Variants in PRORP observed in about 807,000 individuals in gnomAD.
The protein encoded by PRORP is mitochondrial ribonuclease P catalytic subunit.
In PRORP, 51 loss-of-function variants were observed where a neutral mutation model predicts 59.4. The observed-to-expected ratio is 0.86, with a 90% CI of 0.69 to 1.08. PRORP has a LOEUF of 1.08. Ranked by LOEUF, PRORP falls within the 50% of genes least tolerant of loss-of-function variation. The probability of loss-of-function intolerance (pLI) is 0.00; values close to 1 mark genes in which losing one functional copy is unlikely to be tolerated. For synonymous variants in PRORP, 231 were observed against 245.6 expected (o/e 0.94, Z 0.55); for missense variants, 646 against 690.3 (o/e 0.94, Z 0.72).
Position 35,273,672 on chromosome 14 carries a change from A to T in PRORP, c.*106A>T. 2 of 985,828 alleles carry T rather than the reference A, an allele frequency of 2.0e-6. No individual in the cohort carries two copies. Among genetic ancestry groups the T allele is most frequent in the Non-Finnish European group, 1.4e-6 (1 of 695,070 alleles). The allele number at this position is 985,828 out of a possible 1,614,324, so 61.1% of individuals were successfully genotyped here. The stretch of plus-strand genomic sequence containing the variant: ...GGGCATTGCCTCTGTCCTGAAGATA[A>T]AAGGATTCTATTAACAGCATTGACA... On this transcript the variant is annotated 3_prime_UTR_variant, in exon 8 of 8. Transcript: ENST00000534898.
chr14:35,180,495 C>G (rs1307256297), intron 4 of PRORP, among the ~76,000 whole-genome samples, 175 bp from the exon 5 acceptor site: 1 of 148,206 alleles, frequency 6.7e-6, no homozygotes, highest in Non-Finnish European at 1.5e-5. Flanking sequence ...ATCCATTAGA[C>G]TGGCTTTTTC....
At chr14:35,141,329 TA>T (rs1368288242) in intron 4 of PRORP, among the ~76,000 whole-genome samples, 2 of 144,764 alleles carry the variant, frequency 1.4e-5, no homozygotes, top group Non-Finnish European at 1.5e-5. Flanking sequence ...GGCATGATCA[TA>T]ACTCACTGCA....
chr14:35,165,478 A>T (rs2048160926), intron 4 of PRORP, among the ~76,000 whole-genome samples: 1 of 152,226 alleles, frequency 6.6e-6, no homozygotes, highest in Admixed American at 6.5e-5. Flanking sequence ...GTATATGTAA[A>T]GCACTTAGAA....
At chr14:35,194,475 A>T (rs10129963) in intron 5 of PRORP, among the ~76,000 whole-genome samples, 129,883 of 152,038 alleles carry the variant, frequency 0.85, 55,550 homozygotes, top group Admixed American at 0.87. Context: ...TAAGTACAAG[A>T]TGAACAGTGA....
At position 35,142,705 on chromosome 14, in the gene PRORP, T is replaced by C. The variant is rs184201049; in HGVS notation, c.1167+15094T>C. On this transcript the variant is annotated intron_variant, in intron 4 of 7. Coordinates refer to ENST00000534898, the MANE Select transcript of PRORP (RefSeq NM_014672.4). ...AAAAATACAAAAAATTAGCTGGGCA[T>C]AGTGGCTCATGCCTGTAGTCCTAGC... 4.9e-4 allele frequency among the ~76,000 whole-genome samples: 71 copies of C among 144,346 alleles called. 4 individuals carry two copies. Among genetic ancestry groups the C allele is most frequent in the African/African-American group, 1.5e-3 (63 of 40,914 alleles). 94.7% of individuals were successfully genotyped at this position (144,346 alleles called of 152,430 possible).
intron 4 of PRORP, among the ~76,000 whole-genome samples, chr14:35,134,024 G>T (rs1264556086): frequency 1.3e-5 from 2 of 152,186 alleles, no homozygotes; most frequent in African/African-American, 4.8e-5. Context: ...ACTACAATCA[G>T]CAGTTGGTAA....
rs777378830 is a variant in PRORP at position 35,123,865 on chromosome 14, C to T, written c.620C>T (p.Thr207Ile). The part of the protein sequence containing the change: ...VFEIMKARYK[T>I]LEPRGYSLLI... Reference sequence around the variant, plus strand: ...GAAATTATGAAAGCCAGATATAAGACTTTAGAACCTAGAGGTTACAGTCTT... The same window carrying T: ...GAAATTATGAAAGCCAGATATAAGATTTTAGAACCTAGAGGTTACAGTCTT... The change falls in exon 2 of 8, where the codon ACT becomes ATT. Residue 207 changes from threonine (T) to isoleucine (I), a missense_variant. Coordinates refer to ENST00000534898, the MANE Select transcript of PRORP (RefSeq NM_014672.4). 6.2e-7 allele frequency: 1 copy of T among 1,614,078 alleles called. No homozygotes were observed. The highest frequency in any genetic ancestry group is 8.5e-7 in the Non-Finnish European group (1 of 1,180,004).
intron 4 of PRORP, among the ~76,000 whole-genome samples, chr14:35,171,181 G>C (rs968638627): frequency 6.6e-6 from 1 of 151,170 alleles, no homozygotes; most frequent in Admixed American, 6.6e-5. Flanking sequence ...GTATCTTGCT[G>C]TGTTGCCCAG....
chr14:35,207,829 G>A (rs780985392), intron 5 of PRORP, among the ~76,000 whole-genome samples: 3 of 152,208 alleles, frequency 2.0e-5, no homozygotes, highest in Non-Finnish European at 4.4e-5. Context: ...AAGTATGCAG[G>A]CACAATTACC....
intron 1 of PRORP, 23 bp from the exon 2 acceptor site, chr14:35,122,929 T>TTTA (rs1296842909): frequency 3.8e-6 from 1 of 265,462 alleles, no homozygotes; most frequent in Non-Finnish European, 7.3e-6. Context: ...AACTGGGCGT[T>TTTA]CCGTCTTGTG....
intron 4 of PRORP, among the ~76,000 whole-genome samples, chr14:35,154,692 T>C (rs1026056539): frequency 8.1e-6 from 1 of 123,702 alleles, no homozygotes; most frequent in Non-Finnish European, 1.7e-5. Context: ...TTCCAATAAA[T>C]GAATTGCCAA....
intron 4 of PRORP, among the ~76,000 whole-genome samples, chr14:35,151,767 T>C (rs919750576): frequency 6.6e-6 from 1 of 152,112 alleles, no homozygotes; most frequent in Non-Finnish European, 1.5e-5. Flanking sequence ...CACTGTTGTA[T>C]CCTCATAACT....
intron 5 of PRORP, among the ~76,000 whole-genome samples, chr14:35,212,076 T>C (rs1311635516): frequency 6.6e-6 from 1 of 152,216 alleles, no homozygotes; most frequent in African/African-American, 2.4e-5. Flanking sequence ...ACCATTTTCT[T>C]TGTTTCTCCA....
chr14:35,213,217 G>T (rs1460482860), intron 5 of PRORP, among the ~76,000 whole-genome samples: 3 of 152,226 alleles, frequency 2.0e-5, no homozygotes, highest in South Asian at 2.1e-4. Flanking sequence ...TCAGCAATAG[G>T]CTGTTTTGCT....
intron 5 of PRORP, among the ~76,000 whole-genome samples, chr14:35,232,233 T>C (rs1376929640): frequency 2.6e-5 from 4 of 150,970 alleles, no homozygotes; most frequent in Non-Finnish European, 5.9e-5. Context: ...TGAGACAGGG[T>C]CTCACTTTGT....
At chr14:35,198,343 C>T (rs886793487) in intron 5 of PRORP, among the ~76,000 whole-genome samples, 7 of 152,194 alleles carry the variant, frequency 4.6e-5, no homozygotes, top group Admixed American at 6.5e-5. Context: ...ATTCTTGTTA[C>T]GAACCGGTGA....
At chr14:35,187,428 GT>G (rs34808330) in intron 5 of PRORP, among the ~76,000 whole-genome samples, 86 of 138,964 alleles carry the variant, frequency 6.2e-4, no homozygotes, top group South Asian at 9.1e-4. Flanking sequence ...TAGTTTCTTT[GT>G]TTTTTTTTTT....
At chr14:35,203,211 TA>T (rs1330203989) in intron 5 of PRORP, among the ~76,000 whole-genome samples, 3 of 152,230 alleles carry the variant, frequency 2.0e-5, no homozygotes, top group Non-Finnish European at 4.4e-5. Flanking sequence ...TATTTTGCAT[TA>T]ATTTTGTTTG....
At chr14:35,235,468 G>T (rs905486024) in intron 5 of PRORP, 18 of 642,206 alleles carry the variant, frequency 2.8e-5, no homozygotes, top group Non-Finnish European at 4.9e-5. Context: ...AGGCAAGCAG[G>T]AAGACAACTA....
Sources: allele counts gnomAD v4.1 joint callset (sites outside exome capture counted in the v4.1 genomes callset), GRCh38; gene constraint gnomAD v4.1.1; transcripts MANE v1.5; gene names NCBI Gene and HGNC (gene_info 2026-07-23, HGNC 2026-07-21).